Variants in SYNE1 observed in about 807,000 individuals in gnomAD.
SYNE1 encodes nesprin-1.
SYNE1 carries 616 observed loss-of-function variants against 1,111.0 expected under a neutral mutation model. The observed-to-expected ratio is 0.55, with a 90% CI of 0.52 to 0.59. The LOEUF is 0.59. Among genes scored for constraint, SYNE1 ranks in the 20% least tolerant of loss-of-function variants. The pLI, the probability that SYNE1 is intolerant of heterozygous loss-of-function variation, is 0.00. For synonymous variants in SYNE1, 3,855 were observed against 3,825.8 expected, an observed-to-expected ratio of 1.01 and a Z score of -0.28; for missense variants, 10,006 against 10,417.0, an observed-to-expected ratio of 0.96 and a Z score of 1.72.
intron 139 of SYNE1, among the ~76,000 whole-genome samples, chr6:152,140,440 G>A (rs1249429158): frequency 6.6e-6 from 1 of 152,104 alleles, no homozygotes. Flanking sequence ...TCATGAGCAC[G>A]AACGATCGTT....
At chr6:152,283,400 C>T (rs2094142726) in intron 96 of SYNE1, among the ~76,000 whole-genome samples, 1 of 152,228 alleles carries the variant, frequency 6.6e-6, no homozygotes, top group Admixed American at 6.5e-5. Flanking sequence ...TCACAAGGCT[C>T]ATGTCTACCA....
intron 105 of SYNE1, among the ~76,000 whole-genome samples, chr6:152,245,550 G>T (rs953262871): frequency 1.3e-5 from 2 of 152,134 alleles, no homozygotes; most frequent in Non-Finnish European, 2.9e-5. Flanking sequence ...TTGTTCTCTG[G>T]CATATTTTTT....
intron 74 of SYNE1, among the ~76,000 whole-genome samples, chr6:152,340,410 C>T (rs2096508450): frequency 1.3e-5 from 2 of 152,180 alleles, no homozygotes; most frequent in Non-Finnish European, 2.9e-5. Flanking sequence ...GAACTATTGA[C>T]AGTTGACTCC....
At chr6:152,253,813 GTTTGGTTTTT>G (rs2090000166) in intron 104 of SYNE1, among the ~76,000 whole-genome samples, 3 of 33,236 alleles carry the variant, frequency 9.0e-5, no homozygotes, top group African/African-American at 1.9e-4. Flanking sequence ...ATGTGTAGTG[GTTTGGTTTTT>G]TTTTTTTTTT....
intron 51 of SYNE1, among the ~76,000 whole-genome samples, chr6:152,393,338 C>T (rs1001557104): frequency 6.6e-6 from 1 of 151,888 alleles, no homozygotes; most frequent in African/African-American, 2.4e-5. Flanking sequence ...CTATGGAAAA[C>T]CATTTAAAAC....
chr6:152,560,062 G>C (rs915879081), intron 3 of SYNE1, among the ~76,000 whole-genome samples: 6 of 152,010 alleles, frequency 3.9e-5, no homozygotes, highest in Non-Finnish European at 8.8e-5. Flanking sequence ...GAATCAAGAA[G>C]AAATAGAAGG....
intron 6 of SYNE1, among the ~76,000 whole-genome samples, chr6:152,518,658 G>T (rs1453805433): frequency 6.6e-6 from 1 of 151,916 alleles, no homozygotes; most frequent in Admixed American, 6.6e-5. Context: ...AACACACTAG[G>T]GTTGAAAAAA....
At chr6:152,168,108 C>A in intron 130 of SYNE1, 1 of 780,476 alleles carries the variant, frequency 1.3e-6, no homozygotes, top group Non-Finnish European at 2.4e-6. Flanking sequence ...CAAGAAGATG[C>A]CTGCCTTGTG....
chr6:152,500,066 G>A (rs183891246), intron 10 of SYNE1, among the ~76,000 whole-genome samples: 154 of 152,244 alleles, frequency 1.0e-3, no homozygotes, highest in African/African-American at 3.5e-3. Context: ...CTAATCTGGA[G>A]AGATGATTAA....
At chr6:152,563,440 T>C (rs547603299) in intron 3 of SYNE1, among the ~76,000 whole-genome samples, 45 of 152,230 alleles carry the variant, frequency 3.0e-4, no homozygotes, top group African/African-American at 9.1e-4. Flanking sequence ...GATGCACTTT[T>C]GGTGAAAAAA....
At chr6:152,311,778 TA>T (rs148625384) in intron 87 of SYNE1, among the ~76,000 whole-genome samples, 30,315 of 149,274 alleles carry the variant, frequency 0.2, 3,533 homozygotes, top group African/African-American at 0.26. Context: ...ATAGACTATT[TA>T]TTTATTTCTT....
chr6:152,267,939 T>C, intron 100 of SYNE1, 117 bp downstream of exon 100: 1 of 888,534 alleles, frequency 1.1e-6, no homozygotes, highest in Non-Finnish European at 1.8e-6. Flanking sequence ...AAAGTAAAAA[T>C]AAGATGACTA....
Position 152,145,449 on chromosome 6 carries a change from G to C in SYNE1, c.24977-1684C>G, listed in dbSNP as rs769928481. The C allele has an allele frequency of 5.1e-6, 8 of 1,583,516 alleles. No homozygotes were observed. The South Asian group carries it at 8.9e-5, about 18-fold the overall frequency. On this transcript the variant is annotated intron_variant, in intron 137 of 145. Transcript: ENST00000367255. ...CTAAGAGAGGAGGATTGCTATACAG[G>C]GGAGGGAGGGAGGCTGGCTCCGGCT...
At chr6:152,209,336 A>G (rs1362476394) in intron 124 of SYNE1, among the ~76,000 whole-genome samples, 1 of 152,206 alleles carries the variant, frequency 6.6e-6, no homozygotes, top group Non-Finnish European at 1.5e-5. Context: ...TTATTTAATG[A>G]CTCAACTTAA....
At position 152,353,685 on chromosome 6, in the gene SYNE1, A is replaced by T; in HGVS notation, c.10986T>A (p.Ala3662=). 6.2e-7 allele frequency: 1 copy of T among 1,614,116 alleles called. No individual in the cohort carries two copies. The highest frequency in any genetic ancestry group is 1.1e-5 in the South Asian group (1 of 91,078). Reference sequence around the variant, plus strand: ...CGTGGCTCTCGTCCAGTATCTCCTGAGCTCTAGCTCCCACTTCCTCAACTT... The same window carrying T: ...CGTGGCTCTCGTCCAGTATCTCCTGTGCTCTAGCTCCCACTTCCTCAACTT... The part of the protein sequence containing the change: ...RDEVEEVGAR[A]QEILDESHVN... The change falls in exon 68 of 146, where the codon GCT becomes GCA. Residue 3662 remains alanine (A), a synonymous_variant. Transcript: ENST00000367255.
chr6:152,186,785 G>A (rs2635435), intron 128 of SYNE1, among the ~76,000 whole-genome samples: 4 of 151,746 alleles, frequency 2.6e-5, no homozygotes, highest in South Asian at 2.1e-4. Flanking sequence ...TCAATTCATC[G>A]AACATGCTAA....
intron 25 of SYNE1, among the ~76,000 whole-genome samples, chr6:152,451,586 G>A (rs549077950): frequency 1.4e-5 from 2 of 147,950 alleles, no homozygotes; most frequent in Non-Finnish European, 3.0e-5. Flanking sequence ...GGGTTCAAGC[G>A]ATTCTCCTGT....
chr6:152,280,231 T>C (rs1037397461), intron 97 of SYNE1, among the ~76,000 whole-genome samples: 10 of 152,218 alleles, frequency 6.6e-5, no homozygotes, highest in African/African-American at 2.4e-4. Context: ...AAGATTTTAA[T>C]TGAATCTAAT....
chr6:152,505,457 C>G (rs2099052688), intron 8 of SYNE1, 60 bp from the exon 9 acceptor site: 8 of 1,560,670 alleles, frequency 5.1e-6, no homozygotes, highest in Middle Eastern at 2.0e-4. Context: ...GCACTTTCTT[C>G]AAGGCCTCAT....
Sources: gnomAD v4.1 joint callset for allele counts (sites outside exome capture counted in the v4.1 genomes callset) on GRCh38, gnomAD v4.1.1 for gene constraint, MANE v1.5 for transcripts, NCBI Gene and HGNC (gene_info 2026-07-23, HGNC 2026-07-21) for gene names.